The following PRSS23 variants were observed in gnomAD, a reference collection of about 807,000 sequenced individuals.
The protein encoded by PRSS23 is serine protease 23.
A neutral mutation model predicts 34.7 loss-of-function variants in PRSS23; 25 were observed. The observed-to-expected ratio is 0.72, with a 90% CI of 0.53 to 1.01. PRSS23 has a LOEUF of 1.01. Among genes scored for constraint, PRSS23 ranks in the 50% least tolerant of loss-of-function variants. PRSS23 has a pLI of 0.00. For synonymous variants in PRSS23, 176 were observed against 186.6 expected (o/e 0.94, Z 0.46); for missense variants, 445 against 475.6 (o/e 0.94, Z 0.60).
chr11:86,921,943 G>C (rs1949049842), intron 2 of PRSS23: 1 of 152,226 alleles, frequency 6.6e-6, no homozygotes, highest in Admixed American at 6.5e-5. Context: ...GAAACAAGGT[G>C]AACCCTCTTG....
intron 2 of PRSS23, among the ~76,000 whole-genome samples, chr11:86,845,460 G>T (rs79227665): frequency 0.023 from 3,528 of 152,208 alleles, 149 homozygotes; most frequent in African/African-American, 0.079. Flanking sequence ...CATGCAGTGG[G>T]CACCTACAAT....
At position 86,794,421 on chromosome 11, in the gene PRSS23, G is replaced by A. The variant is rs568362509; in HGVS notation, c.-14+3226G>A. 4.6e-5 allele frequency among the ~76,000 whole-genome samples: 7 copies of A among 152,216 alleles called. No individual in the cohort carries two copies. The South Asian group carries it at 1.5e-3, about 32-fold the overall frequency. ...TTACAATAGTGCCCAGAGCATACAG[G>A]AAATTGCAAGTACTCAAGTCTATTT... On this transcript the variant is annotated intron_variant, in intron 1 of 1. Transcript: ENST00000527521.
upstream of PRSS23, among the ~76,000 whole-genome samples, chr11:86,795,872 T>C (rs1298131325): frequency 6.6e-6 from 1 of 152,254 alleles, no homozygotes; most frequent in Non-Finnish European, 1.5e-5. Context: ...TCCTTTTTGA[T>C]AACTTTCAAA....
exon 3 of PRSS23, chr11:86,952,720 T>C (rs1949305485): frequency 4.9e-6 from 2 of 411,804 alleles, no homozygotes; most frequent in East Asian, 8.9e-5. Context: ...ATAAATAAAA[T>C]AAATAGGGTC....
exon 3 of PRSS23, chr11:86,951,818 C>T (rs1949294928): frequency 9.3e-6 from 15 of 1,613,770 alleles, no homozygotes; most frequent in African/African-American, 2.7e-5. Context: ...GCTGGCCATT[C>T]CAAAAAAGTA....
chr11:86,939,431 T>TTTTTTTAAAAAATATA (rs1555084022), intron 2 of PRSS23, among the ~76,000 whole-genome samples: 1 of 141,752 alleles, frequency 7.1e-6, no homozygotes, highest in Non-Finnish European at 1.5e-5. Context: ...TATATATTTT[T>TTTTTTTAAAAAATATA]TAACATGAGT....
intron 2 of PRSS23, chr11:86,949,829 GCC>G (rs1486724581): frequency 2.0e-5 from 3 of 152,614 alleles, no homozygotes; most frequent in African/African-American, 7.2e-5. Flanking sequence ...AATACTCCAG[GCC>G]ACACTGCCTC....
chr11:86,918,064 G>A (rs1949025115), intron 2 of PRSS23, among the ~76,000 whole-genome samples: 1 of 152,168 alleles, frequency 6.6e-6, no homozygotes. Context: ...TTTTAGTAAT[G>A]AGGCCTATAG....
At chr11:86,925,307 T>C in intron 2 of PRSS23, among the ~76,000 whole-genome samples, 1 of 151,790 alleles carries the variant, frequency 6.6e-6, no homozygotes. Context: ...TGTGTGTGTG[T>C]GTGTGTGTGT....
At chr11:86,928,700 A>T (rs1377047419) in intron 2 of PRSS23, among the ~76,000 whole-genome samples, 3 of 105,288 alleles carry the variant, frequency 2.8e-5, no homozygotes, top group Admixed American at 1.1e-4. Context: ...AAAAAAAAAA[A>T]AAAAAATTGG....
At chr11:86,901,666 A>T (rs10898551) in intron 2 of PRSS23, among the ~76,000 whole-genome samples, 29,226 of 152,106 alleles carry the variant, frequency 0.19, 3,402 homozygotes, top group African/African-American at 0.33. Flanking sequence ...ATATAGTCAT[A>T]CAGTCATTCA....
At chr11:86,883,948 C>G (rs1339294630) in intron 2 of PRSS23, among the ~76,000 whole-genome samples, 1 of 152,142 alleles carries the variant, frequency 6.6e-6, no homozygotes, top group Non-Finnish European at 1.5e-5. Flanking sequence ...ACTTTTTTAT[C>G]TCTTCTACCT....
At chr11:86,874,101 C>T (rs117803703) in intron 2 of PRSS23, among the ~76,000 whole-genome samples, 4,185 of 152,236 alleles carry the variant, frequency 0.027, 79 homozygotes, top group Non-Finnish European at 0.04. Context: ...AGGGTTTAAT[C>T]TTTGTGAAGA....
chr11:86,892,654 C>T (rs543558800), intron 2 of PRSS23, among the ~76,000 whole-genome samples: 1 of 152,240 alleles, frequency 6.6e-6, no homozygotes, highest in Non-Finnish European at 1.5e-5. Flanking sequence ...TTAAAACCCA[C>T]CTCCTAAGGC....
At chr11:86,806,390 A>G (rs1376978376) in intron 1 of PRSS23, among the ~76,000 whole-genome samples, 1 of 152,220 alleles carries the variant, frequency 6.6e-6, no homozygotes, top group African/African-American at 2.4e-5. Context: ...ATTTCTAGGC[A>G]ATTTGTTCAT....
chr11:86,823,827 A>T (rs1256857936), intron 2 of PRSS23, among the ~76,000 whole-genome samples: 6 of 151,880 alleles, frequency 4.0e-5, no homozygotes, highest in African/African-American at 1.2e-4. Context: ...TAACACGGTG[A>T]AACCCCGTCT....
chr11:86,812,799 A>G (rs559585879), downstream of PRSS23, among the ~76,000 whole-genome samples: 476 of 150,942 alleles, frequency 3.2e-3, 2 homozygotes, highest in African/African-American at 0.011. Context: ...AAAAAAAAAA[A>G]AAAAAGAAAA....
chr11:86,828,068 T>C (rs891704923), intron 2 of PRSS23, among the ~76,000 whole-genome samples: 14 of 152,306 alleles, frequency 9.2e-5, no homozygotes, highest in African/African-American at 3.4e-4. Context: ...TCTGTCTCAT[T>C]GATCTGTCTA....
chr11:86,814,201 A>T (rs1948199345), downstream of PRSS23, among the ~76,000 whole-genome samples: 1 of 152,212 alleles, frequency 6.6e-6, no homozygotes, highest in African/African-American at 2.4e-5. Context: ...CTGATTGTGA[A>T]GCTCAGTAGA....
Sources: gnomAD v4.1 joint callset for allele counts (sites outside exome capture counted in the v4.1 genomes callset) on GRCh38, gnomAD v4.1.1 for gene constraint, MANE v1.5 for transcripts, NCBI Gene and HGNC (gene_info 2026-07-23, HGNC 2026-07-21) for gene names.